The following FHIT variants were observed in gnomAD, a reference collection of about 807,000 sequenced individuals.
FHIT encodes the protein fragile histidine triad diadenosine triphosphatase.
FHIT carries 19 observed loss-of-function variants against 17.9 expected under a neutral mutation model. The ratio of observed to expected loss-of-function variants is 1.06; its 90% CI spans 0.74 to 1.56. The LOEUF (loss-of-function observed/expected upper bound fraction) is 1.56, where lower values mean the gene tolerates loss of function less well. FHIT is among the 40% of genes most tolerant of loss of function. The pLI is 0.00. For missense variants in FHIT, 248 were observed against 189.2 expected, an observed-to-expected ratio of 1.31 and a Z score of -1.82; for synonymous variants, 81 against 69.7, an observed-to-expected ratio of 1.16 and a Z score of -0.81.
At chr3:61,053,332 A>G (rs1379063294) in intron 2 of FHIT, among the ~76,000 whole-genome samples, 1 of 152,188 alleles carries the variant, frequency 6.6e-6, no homozygotes, top group Non-Finnish European at 1.5e-5. Context: ...AGAGGATGGG[A>G]GAAGAAGTTA....
chr3:60,947,488 A>G lies in FHIT; in HGVS notation c.-111+94559T>C, dbSNP rs529646090. Among the ~76,000 whole-genome samples the G allele has an allele frequency of 3.9e-5, 6 of 152,302 alleles. No homozygotes were observed. In the South Asian group the frequency reaches 1.0e-3, roughly 26 times the overall value. ...GATTTTGTTGTCATTTGGAAATCAT[A>G]TTTCTTGCTGTTTGCATTTCTATTA... On this transcript the variant is annotated intron_variant, in intron 3 of 9. Transcript: ENST00000492590.
At chr3:60,879,356 CTG>C (rs1189798769) in intron 3 of FHIT, among the ~76,000 whole-genome samples, 3 of 152,142 alleles carry the variant, frequency 2.0e-5, no homozygotes, top group Non-Finnish European at 4.4e-5. Context: ...CTGAACCTAC[CTG>C]GAAACAAAGT....
chr3:60,094,916 A>T (rs569726598), intron 5 of FHIT, among the ~76,000 whole-genome samples: 4 of 152,360 alleles, frequency 2.6e-5, no homozygotes, highest in African/African-American at 9.6e-5. Context: ...GATTATGAGC[A>T]TAAAAGGACA....
chr3:61,211,283 A>G (rs2039461710), intron 1 of FHIT, among the ~76,000 whole-genome samples: 2 of 149,060 alleles, frequency 1.3e-5, no homozygotes, highest in African/African-American at 4.9e-5. Context: ...CACCTGGAAA[A>G]TAGGGTCACT....
At chr3:60,899,004 T>C (rs6804218) in intron 3 of FHIT, among the ~76,000 whole-genome samples, 40,225 of 152,136 alleles carry the variant, frequency 0.26, 5,438 homozygotes, top group Middle Eastern at 0.33. Flanking sequence ...ATTATGCTTT[T>C]AATTGAAAAA....
intron 8 of FHIT, among the ~76,000 whole-genome samples, chr3:59,767,273 T>C (rs1002837548): frequency 2.6e-5 from 4 of 152,044 alleles, no homozygotes; most frequent in African/African-American, 9.7e-5. Context: ...CTGAGGCAGG[T>C]GGATCACCTG....
chr3:59,993,115 A>G (rs1191635250), intron 7 of FHIT, among the ~76,000 whole-genome samples: 6 of 152,080 alleles, frequency 3.9e-5, no homozygotes, highest in African/African-American at 1.2e-4. Context: ...TTCAATAGGT[A>G]AGAAAGTTTT....
In FHIT at chr3:60,214,473, C is replaced by T. The variant is rs114546989; in HGVS notation, c.104-200321G>A. Among the ~76,000 whole-genome samples, 688 of 152,250 alleles carry T rather than the reference C, an allele frequency of 4.5e-3. 5 individuals carry two copies. The highest frequency in any genetic ancestry group is 0.016 in the African/African-American group (656 of 41,562). On this transcript the variant is annotated intron_variant, in intron 5 of 9. Coordinates refer to ENST00000492590, the MANE Select transcript of FHIT (RefSeq NM_002012.4). Reference sequence around the variant, plus strand: ...CCGTGCTTATCAGAATTTTAGAATTCTGAAGAGCCTCCCTGAACTGTCAAA... The same window carrying T: ...CCGTGCTTATCAGAATTTTAGAATTTTGAAGAGCCTCCCTGAACTGTCAAA...
intron 3 of FHIT, among the ~76,000 whole-genome samples, chr3:61,002,551 C>A (rs1197354513): frequency 6.6e-6 from 1 of 152,200 alleles, no homozygotes; most frequent in Non-Finnish European, 1.5e-5. Flanking sequence ...GCATGAGCCA[C>A]AGGCATTAGC....
intron 4 of FHIT, among the ~76,000 whole-genome samples, chr3:60,624,353 A>G (rs1553680018): frequency 6.6e-6 from 1 of 152,216 alleles, no homozygotes; most frequent in Admixed American, 6.5e-5. Flanking sequence ...TTGGCAGAGG[A>G]CAGGTTGGAT....
chr3:60,231,560 G>C (rs1704498165), intron 5 of FHIT, among the ~76,000 whole-genome samples: 1 of 152,112 alleles, frequency 6.6e-6, no homozygotes, highest in Non-Finnish European at 1.5e-5. Flanking sequence ...CACTGAACAA[G>C]ACACCATCTA....
chr3:60,569,753 ATATTTT>A (rs2037302184), intron 4 of FHIT, among the ~76,000 whole-genome samples: 1 of 57,246 alleles, frequency 1.7e-5, no homozygotes, highest in African/African-American at 7.0e-5. Context: ...ATATATATAT[ATATTTT>A]TTTTTTTTTT....
chr3:60,268,822 T>A (rs763095164), intron 5 of FHIT, among the ~76,000 whole-genome samples: 4 of 151,936 alleles, frequency 2.6e-5, no homozygotes, highest in Non-Finnish European at 5.9e-5. Flanking sequence ...CTGCTGGCCT[T>A]AAGGCAGGGA....
At chr3:61,018,960 A>C (rs1474084886) in intron 3 of FHIT, among the ~76,000 whole-genome samples, 1 of 152,210 alleles carries the variant, frequency 6.6e-6, no homozygotes, top group African/African-American at 2.4e-5. Context: ...CTGAGATTCT[A>C]AATGAGATAA....
chr3:60,717,159 A>C (rs2041703380), intron 4 of FHIT, among the ~76,000 whole-genome samples: 1 of 152,180 alleles, frequency 6.6e-6, no homozygotes, highest in South Asian at 2.1e-4. Context: ...GAGGAAAAAA[A>C]TGGGGAGGTG....
chr3:59,863,437 C>G (rs1006197017), intron 8 of FHIT, among the ~76,000 whole-genome samples: 2 of 152,214 alleles, frequency 1.3e-5, no homozygotes, highest in African/African-American at 4.8e-5. Flanking sequence ...CAACGGATAA[C>G]TTATTTGCTG....
chr3:60,143,827 A>G lies in FHIT; in HGVS notation c.104-129675T>C, dbSNP rs907449114. Among the ~76,000 whole-genome samples, 7 of 152,162 alleles carry G rather than the reference A, an allele frequency of 4.6e-5. 1 individual carries two copies. On this transcript the variant is annotated intron_variant, in intron 5 of 9. Coordinates refer to ENST00000492590, the MANE Select transcript of FHIT (RefSeq NM_002012.4). ...AATTTGTCACTCACCCTACTAAATG[A>G]AAGTACTCTGGAATACAGTCACCAA...
chr3:60,746,493 A>G (rs2042359073), intron 4 of FHIT, among the ~76,000 whole-genome samples: 1 of 152,172 alleles, frequency 6.6e-6, no homozygotes, highest in Admixed American at 6.6e-5. Context: ...CATTCCTTAC[A>G]TGGGTTCGGA....
At chr3:60,189,216 G>C (rs1299653553) in intron 5 of FHIT, among the ~76,000 whole-genome samples, 1 of 151,938 alleles carries the variant, frequency 6.6e-6, no homozygotes, top group African/African-American at 2.4e-5. Flanking sequence ...AAATCTGACA[G>C]GTGTTCAATT....
Sources: allele counts gnomAD v4.1 joint callset (sites outside exome capture counted in the v4.1 genomes callset), GRCh38; gene constraint gnomAD v4.1.1; transcripts MANE v1.5; gene names NCBI Gene and HGNC (gene_info 2026-07-23, HGNC 2026-07-21).